UTRN: variants seen among roughly 807,000 people sequenced by gnomAD.
The protein encoded by UTRN is utrophin.
A neutral mutation model predicts 463.9 loss-of-function variants in UTRN; 283 were observed. That is an observed-to-expected ratio of 0.61 (90% CI 0.55 to 0.67). UTRN has a LOEUF of 0.67. Ranked by LOEUF, UTRN falls within the 30% of genes least tolerant of loss-of-function variation. The pLI, the probability that UTRN is intolerant of heterozygous loss-of-function variation, is 0.00. For missense variants in UTRN, 3,922 were observed against 4,084.3 expected, an observed-to-expected ratio of 0.96 and a Z score of 1.08; for synonymous variants, 1,442 against 1,431.5, an observed-to-expected ratio of 1.01 and a Z score of -0.17.
chr6:144,451,592 G>A, intron 18 of UTRN, 99 bp downstream of exon 18: 1 of 1,381,364 alleles, frequency 7.2e-7, no homozygotes, highest in Non-Finnish European at 9.6e-7. Context: ...AAAGCCTCCT[G>A]TAAAATAAAT....
chr6:144,461,002 G>A (rs1214750255), intron 21 of UTRN, among the ~76,000 whole-genome samples, 195 bp from the exon 22 acceptor site: 8 of 152,146 alleles, frequency 5.3e-5, no homozygotes, highest in Non-Finnish European at 1.0e-4. Context: ...GTCAACATCC[G>A]CAGGAATGAA....
chr6:144,578,604 G>A (rs549264437), intron 51 of UTRN, among the ~76,000 whole-genome samples: 1 of 152,212 alleles, frequency 6.6e-6, no homozygotes, highest in Admixed American at 6.5e-5. Context: ...CGAAGTGCTG[G>A]GATTACAGGC....
At position 144,423,970 on chromosome 6, in the gene UTRN, T is replaced by G; in HGVS notation, c.313-16T>G. 1 of 1,606,370 alleles carries G rather than the reference T, an allele frequency of 6.2e-7. No individual in the cohort carries two copies. Among genetic ancestry groups the G allele is most frequent in the East Asian group, 2.2e-5 (1 of 44,852 alleles). Reference sequence around the variant, plus strand: ...TAAAAGCGTTTTTGTTTTTGTTTTTTGTTTTGTCTTAATAGGTGGAATTAG... The same window carrying G: ...TAAAAGCGTTTTTGTTTTTGTTTTTGGTTTTGTCTTAATAGGTGGAATTAG... On this transcript the variant is annotated splice_polypyrimidine_tract_variant and intron_variant, in intron 5 of 74. Transcript: ENST00000367545.
chr6:144,448,549 T>C (rs1195989718), intron 16 of UTRN, 51 bp from the exon 17 acceptor site: 2 of 1,575,394 alleles, frequency 1.3e-6, no homozygotes, highest in African/African-American at 1.4e-5. Flanking sequence ...GTGAATTACA[T>C]CTCAATGAAG....
In UTRN at chr6:144,439,041, T is replaced by C. The variant is rs1356993903; in HGVS notation, c.1392+146T>C. The C allele has an allele frequency of 4.7e-6, 4 of 858,586 alleles. No individual in the cohort carries two copies. The Admixed American group carries it at 7.9e-5, about 17-fold the overall frequency. 53.2% of individuals were successfully genotyped at this position (858,586 alleles called of 1,614,324 possible). ...TCATTTAGCAGCTCACAGGGTGGAA[T>C]TGATAGAGATGAGACTTTTCTGAGC... On this transcript the variant is annotated intron_variant, in intron 12 of 74. Coordinates refer to ENST00000367545, the MANE Select transcript of UTRN (RefSeq NM_007124.3).
At chr6:144,470,337 C>T (rs1260433994) in intron 23 of UTRN, among the ~76,000 whole-genome samples, 3 of 151,936 alleles carry the variant, frequency 2.0e-5, no homozygotes, top group African/African-American at 7.3e-5. Context: ...ACGCTCCTCA[C>T]TTCCCAGATG....
At chr6:144,824,584 A>C (rs1779941492) in intron 66 of UTRN, among the ~76,000 whole-genome samples, 1 of 34,812 alleles carries the variant, frequency 2.9e-5, no homozygotes, top group Non-Finnish European at 4.6e-5. Context: ...ATATATATAT[A>C]TATATATATA....
At chr6:144,448,089 T>C (rs1787871546) in intron 16 of UTRN, among the ~76,000 whole-genome samples, 1 of 152,208 alleles carries the variant, frequency 6.6e-6, no homozygotes, top group Non-Finnish European at 1.5e-5. Context: ...AAACATTGGT[T>C]TGTAGACAGA....
chr6:144,460,888 G>A (rs1183437723), intron 21 of UTRN, among the ~76,000 whole-genome samples: 1 of 152,194 alleles, frequency 6.6e-6, no homozygotes, highest in Non-Finnish European at 1.5e-5. Flanking sequence ...TAAGGAAGAG[G>A]AGATTATATG....
intron 1 of UTRN, among the ~76,000 whole-genome samples, chr6:144,289,012 T>C: frequency 6.6e-6 from 1 of 152,080 alleles, no homozygotes; most frequent in East Asian, 1.9e-4. Flanking sequence ...GTTAGCCAGG[T>C]TGGTCTTGAA....
intron 51 of UTRN, 74 bp from the exon 52 acceptor site, chr6:144,678,332 A>T: frequency 7.0e-7 from 1 of 1,418,940 alleles, no homozygotes; most frequent in Middle Eastern, 1.9e-4. Context: ...TTTGCTTGAG[A>T]GCAACTCATC....
chr6:144,524,424 C>T (rs764204376), intron 41 of UTRN, among the ~76,000 whole-genome samples: 50 of 151,906 alleles, frequency 3.3e-4, no homozygotes, highest in Non-Finnish European at 5.4e-4. Context: ...CTAACATTGA[C>T]AGGTTTTTTT....
chr6:144,688,314 T>C (rs1294377913), intron 52 of UTRN, among the ~76,000 whole-genome samples: 2 of 152,208 alleles, frequency 1.3e-5, no homozygotes, highest in African/African-American at 4.8e-5. Flanking sequence ...CACTTTTCTC[T>C]TGTATCTGGT....
At chr6:144,782,663 A>G (rs1333670757) in intron 61 of UTRN, among the ~76,000 whole-genome samples, 3 of 151,610 alleles carry the variant, frequency 2.0e-5, no homozygotes, top group African/African-American at 7.3e-5. Flanking sequence ...GGTGTTTTAA[A>G]TAATTTATGC....
At chr6:144,774,224 A>G in intron 59 of UTRN, 66 bp from the exon 60 acceptor site, 5 of 1,418,656 alleles carry the variant, frequency 3.5e-6, no homozygotes, top group Non-Finnish European at 3.9e-6. Flanking sequence ...AACCAAATAC[A>G]TTCTGGGCAT....
chr6:144,710,286 C>T (rs1785541438), intron 53 of UTRN, among the ~76,000 whole-genome samples: 1 of 152,274 alleles, frequency 6.6e-6, no homozygotes, highest in African/African-American at 2.4e-5. Flanking sequence ...CAAAACATGA[C>T]AATCATTCTA....
intron 51 of UTRN, among the ~76,000 whole-genome samples, chr6:144,616,106 G>A (rs1474463155): frequency 6.6e-6 from 1 of 152,024 alleles, no homozygotes; most frequent in Admixed American, 6.6e-5. Context: ...CTCCTTCTCG[G>A]CAGTAGCATT....
At position 144,523,188 on chromosome 6, in the gene UTRN, G is replaced by T; in HGVS notation, c.5906G>T (p.Gly1969Val). 6.4e-7 allele frequency: 1 copy of T among 1,555,604 alleles called. No individual in the cohort carries two copies. Among genetic ancestry groups the T allele is most frequent in the Non-Finnish European group, 8.7e-7 (1 of 1,153,992 alleles). ...RINRMYSDRK[G>V]CFDRAMEEWR... The stretch of plus-strand genomic sequence containing the variant: ...AATAGAATGTACAGTGATCGGAAAG[G>T]GTATGTGTAAATGAAATTAATATTT... Residue 1969 changes from glycine to valine, a missense_variant and splice_region_variant, in exon 41 of 75, where the codon GGT (glycine) becomes GTT (valine). By Grantham distance (109) the Gly-to-Val change is moderately radical. Coordinates refer to ENST00000367545, the MANE Select transcript of UTRN (RefSeq NM_007124.3).
chr6:144,495,295 C>T (rs893921823), intron 33 of UTRN, among the ~76,000 whole-genome samples: 6 of 152,208 alleles, frequency 3.9e-5, no homozygotes, highest in African/African-American at 1.4e-4. Context: ...CCCTGCCCCG[C>T]AGGAAGGCAG....
Sources: allele counts gnomAD v4.1 joint callset (sites outside exome capture counted in the v4.1 genomes callset), GRCh38; gene constraint gnomAD v4.1.1; transcripts MANE v1.5; gene names NCBI Gene and HGNC (gene_info 2026-07-23, HGNC 2026-07-21).